Variants in EFL1 observed in about 807,000 individuals in gnomAD.
EFL1 encodes elongation factor-like GTPase 1.
In EFL1, 76 loss-of-function variants were observed where a neutral mutation model predicts 126.7. The observed-to-expected ratio is 0.60, with a 90% CI of 0.50 to 0.73. The LOEUF (loss-of-function observed/expected upper bound fraction) is 0.73, where lower values mean the gene tolerates loss of function less well. Ranked by LOEUF, EFL1 falls within the 30% of genes least tolerant of loss-of-function variation. The pLI, the probability that EFL1 is intolerant of heterozygous loss-of-function variation, is 0.00. For missense variants in EFL1, 1,128 were observed against 1,343.2 expected, an observed-to-expected ratio of 0.84 and a Z score of 2.50; for synonymous variants, 410 against 448.4, an observed-to-expected ratio of 0.91 and a Z score of 1.08.
chr15:82,215,224 T>G (rs1289554439), intron 14 of EFL1, among the ~76,000 whole-genome samples: 26 of 152,160 alleles, frequency 1.7e-4, no homozygotes, highest in Admixed American at 1.7e-3. Context: ...ATTTGAACAC[T>G]CATTATTACT....
intron 4 of EFL1, among the ~76,000 whole-genome samples, chr15:82,251,453 T>C (rs1403588941): frequency 6.6e-6 from 1 of 152,152 alleles, no homozygotes; most frequent in Non-Finnish European, 1.5e-5. Flanking sequence ...AGACAAAGTA[T>C]AGAGCAGAAC....
intron 4 of EFL1, among the ~76,000 whole-genome samples, chr15:82,252,052 T>C (rs62013462): frequency 0.26 from 39,910 of 152,076 alleles, 5,663 homozygotes; most frequent in Non-Finnish European, 0.31. Flanking sequence ...TTGTTTTCTG[T>C]CTCTGAACAT....
At chr15:82,220,576 C>G (rs138599942) in intron 12 of EFL1, among the ~76,000 whole-genome samples, 2 of 152,126 alleles carry the variant, frequency 1.3e-5, no homozygotes, top group African/African-American at 4.8e-5. Context: ...GGGTTTGGAA[C>G]GACTCTGGCA....
intron 14 of EFL1, among the ~76,000 whole-genome samples, chr15:82,216,284 T>A (rs1050603210): frequency 1.8e-4 from 28 of 152,280 alleles, no homozygotes; most frequent in African/African-American, 6.7e-4. Flanking sequence ...GATGCTGTAT[T>A]ATAAAATGCT....
At chr15:82,221,307 C>T (rs2074709743) in intron 12 of EFL1, among the ~76,000 whole-genome samples, 1 of 152,136 alleles carries the variant, frequency 6.6e-6, no homozygotes, top group Admixed American at 6.5e-5. Flanking sequence ...ATGCCATATT[C>T]CCCTCCTCTC....
intron 15 of EFL1, among the ~76,000 whole-genome samples, chr15:82,188,287 A>G (rs2074322505): frequency 6.6e-6 from 1 of 152,096 alleles, no homozygotes; most frequent in Admixed American, 6.5e-5. Flanking sequence ...TTAAGTTGTT[A>G]AGTTCCTTCA....
intron 4 of EFL1, among the ~76,000 whole-genome samples, chr15:82,251,107 G>C (rs117095191): frequency 6.6e-6 from 1 of 152,106 alleles, no homozygotes; most frequent in South Asian, 2.1e-4. Context: ...AGCTTCCCAG[G>C]AGGCTGAGGC....
At chr15:82,182,277 C>T (rs1351419761) in intron 15 of EFL1, among the ~76,000 whole-genome samples, 1 of 152,112 alleles carries the variant, frequency 6.6e-6, no homozygotes, top group African/African-American at 2.4e-5. Context: ...AACAAACAAC[C>T]AACCAATTGC....
intron 18 of EFL1, among the ~76,000 whole-genome samples, chr15:82,143,973 G>C (rs1210638537): frequency 2.6e-5 from 4 of 152,276 alleles, no homozygotes; most frequent in South Asian, 4.1e-4. Context: ...TGGGACTATA[G>C]GCATACGCTC....
At chr15:82,138,010 C>T (rs2073740471) in intron 19 of EFL1, among the ~76,000 whole-genome samples, 1 of 152,216 alleles carries the variant, frequency 6.6e-6, no homozygotes, top group Non-Finnish European at 1.5e-5. Flanking sequence ...CTTCTCTCCT[C>T]CCTCAGCAAT....
chr15:82,175,062 G>C (rs2141253703), intron 15 of EFL1, among the ~76,000 whole-genome samples: 1 of 152,260 alleles, frequency 6.6e-6, no homozygotes, highest in African/African-American at 2.4e-5. Context: ...GCACCACAGG[G>C]GAGACAGAGA....
intron 4 of EFL1, among the ~76,000 whole-genome samples, chr15:82,245,491 T>C (rs1368514675): frequency 2.6e-5 from 4 of 152,122 alleles, no homozygotes; most frequent in African/African-American, 9.7e-5. Flanking sequence ...AATCAATGTA[T>C]AACATTATAA....
Position 82,260,625 on chromosome 15 carries a change from TCCTATAG to T in EFL1, c.91+1056_91+1062del, listed in dbSNP as rs1377557614. On this transcript the variant is annotated intron_variant, in intron 2 of 19. Coordinates refer to ENST00000268206, the MANE Select transcript of EFL1 (RefSeq NM_024580.6). ...TCCCTCTCATTATTATCACATTTAA[TCCTATAG>T]CCTATAAAGCAGGTATAGTTTTCAT... is the stretch of plus-strand genomic sequence containing the variant. Among the ~76,000 whole-genome samples, 3 of 152,336 alleles carry T rather than the reference TCCTATAG, an allele frequency of 2.0e-5. No homozygotes were observed. The East Asian group carries it at 5.8e-4, about 29-fold the overall frequency.
intron 15 of EFL1, among the ~76,000 whole-genome samples, chr15:82,188,344 T>C (rs1207178710): frequency 6.6e-6 from 1 of 152,108 alleles, no homozygotes; most frequent in East Asian, 1.9e-4. Flanking sequence ...CCTACTTCCA[T>C]TTTCTTATCT....
intron 15 of EFL1, among the ~76,000 whole-genome samples, chr15:82,191,589 AGCACTCATCC>A (rs2074360209): frequency 7.2e-6 from 1 of 139,152 alleles, no homozygotes; most frequent in African/African-American, 2.9e-5. Context: ...GATGAGGGCA[AGCACTCATCC>A]AGTGAGTGCT....
At chr15:82,203,233 T>C (rs934768199) in intron 15 of EFL1, among the ~76,000 whole-genome samples, 2 of 152,226 alleles carry the variant, frequency 1.3e-5, no homozygotes, top group Non-Finnish European at 2.9e-5. Flanking sequence ...TAACTAATAC[T>C]TGTGTATTTC....
Position 82,234,905 on chromosome 15 carries a change from T to C in EFL1, c.731+3402A>G, listed in dbSNP as rs143958972. On this transcript the variant is annotated intron_variant, in intron 7 of 19. Coordinates refer to ENST00000268206, the MANE Select transcript of EFL1 (RefSeq NM_024580.6). ...TTTCTCAAAGTAATAATCTTTTAACTACATTTGGATTTTTTGATTCCACAA... is the reference window on the plus strand; with the variant it reads ...TTTCTCAAAGTAATAATCTTTTAACCACATTTGGATTTTTTGATTCCACAA... Among the ~76,000 whole-genome samples the C allele has an allele frequency of 7.5e-3, 1,145 of 152,306 alleles. 16 individuals are homozygous for C. Among genetic ancestry groups the C allele is most frequent in the African/African-American group, 0.026 (1,080 of 41,562 alleles).
chr15:82,200,522 G>C (rs1231515841), intron 15 of EFL1, among the ~76,000 whole-genome samples: 1 of 152,126 alleles, frequency 6.6e-6, no homozygotes, highest in Non-Finnish European at 1.5e-5. Context: ...CCATGGCACA[G>C]AGAAAAGAAC....
chr15:82,222,952 A>G lies in EFL1; in HGVS notation c.1292+2213T>C, dbSNP rs192862147. On this transcript the variant is annotated intron_variant, in intron 12 of 19. Transcript: ENST00000268206. The stretch of plus-strand genomic sequence containing the variant: ...AAGCAAAGAAAAGAGGCAAGAACAC[A>G]AGAACAGAGGAGAAAGTCCTGTAAC... 1.4e-3 allele frequency among the ~76,000 whole-genome samples: 216 copies of G among 152,324 alleles called. 1 individual carries two copies. Among genetic ancestry groups the G allele is most frequent in the African/African-American group, 5.0e-3 (209 of 41,574 alleles).
Sources: allele counts gnomAD v4.1 joint callset (sites outside exome capture counted in the v4.1 genomes callset), GRCh38; gene constraint gnomAD v4.1.1; transcripts MANE v1.5; gene names NCBI Gene and HGNC (gene_info 2026-07-23, HGNC 2026-07-21).